The following ZNF804B variants were observed in gnomAD, a reference collection of about 807,000 sequenced individuals.
The protein encoded by ZNF804B is zinc finger protein 804B.
Under a neutral mutation model 101.4 loss-of-function variants are expected in ZNF804B, and 80 were observed. The ratio of observed to expected loss-of-function variants is 0.79; its 90% confidence interval spans 0.66 to 0.95. The LOEUF is 0.95. Among genes scored for constraint, ZNF804B ranks in the 40% least tolerant of loss-of-function variants. The pLI, the probability that ZNF804B is intolerant of heterozygous loss-of-function variation, is 0.00. For synonymous variants in ZNF804B, 622 were observed against 558.8 expected (o/e 1.11, Z -1.59); for missense variants, 1,673 against 1,561.9 (o/e 1.07, Z -1.20).
intron 1 of ZNF804B, among the ~76,000 whole-genome samples, chr7:89,117,806 T>G (rs1790333429): frequency 1.3e-5 from 2 of 152,226 alleles, no homozygotes; most frequent in Admixed American, 6.5e-5. Flanking sequence ...ATAGCTGGCA[T>G]ATAAATGTAA....
intron 1 of ZNF804B, among the ~76,000 whole-genome samples, chr7:88,911,738 A>T (rs1792553145): frequency 6.6e-6 from 1 of 151,774 alleles, no homozygotes; most frequent in Non-Finnish European, 1.5e-5. Flanking sequence ...CAGCCATATA[A>T]CTACATCCAC....
At chr7:88,937,579 A>G (rs1792991573) in intron 1 of ZNF804B, among the ~76,000 whole-genome samples, 1 of 152,080 alleles carries the variant, frequency 6.6e-6, no homozygotes, top group African/African-American at 2.4e-5. Flanking sequence ...GAAATGATAT[A>G]AAAATAGAGT....
At chr7:89,292,246 C>T (rs536712000) in intron 2 of ZNF804B, among the ~76,000 whole-genome samples, 1 of 152,208 alleles carries the variant, frequency 6.6e-6, no homozygotes, top group South Asian at 2.1e-4. Context: ...CACAGAGAAA[C>T]ACAGACTATT....
chr7:88,952,839 T>G (rs1584035837), intron 1 of ZNF804B, among the ~76,000 whole-genome samples: 1 of 151,792 alleles, frequency 6.6e-6, no homozygotes, highest in Non-Finnish European at 1.5e-5. Flanking sequence ...TCCTCGATTT[T>G]TGTTGGGCTG....
intron 1 of ZNF804B, among the ~76,000 whole-genome samples, chr7:88,800,713 TG>T (rs1790565968): frequency 6.6e-6 from 1 of 151,344 alleles, no homozygotes; most frequent in Admixed American, 6.6e-5. Context: ...TGTGTGTGTG[TG>T]TGTGTGTGTG....
intron 1 of ZNF804B, among the ~76,000 whole-genome samples, chr7:88,839,944 C>A (rs1361342827): frequency 6.6e-6 from 1 of 152,072 alleles, no homozygotes; most frequent in African/African-American, 2.4e-5. Context: ...AGTTTGGCTC[C>A]TTGGGTGCTA....
chr7:89,154,843 CA>C (rs1790932908), intron 1 of ZNF804B, among the ~76,000 whole-genome samples: 1 of 151,926 alleles, frequency 6.6e-6, no homozygotes, highest in South Asian at 2.1e-4. Flanking sequence ...AATCAATATA[CA>C]TTTAAAAATA....
intron 1 of ZNF804B, among the ~76,000 whole-genome samples, chr7:89,215,154 T>G (rs896890697): frequency 6.6e-6 from 1 of 152,156 alleles, no homozygotes; most frequent in Non-Finnish European, 1.5e-5. Flanking sequence ...GTAAGAAAGA[T>G]AAGAATATCT....
At chr7:89,195,117 A>G (rs1337713680) in intron 1 of ZNF804B, among the ~76,000 whole-genome samples, 27 of 148,842 alleles carry the variant, frequency 1.8e-4, no homozygotes, top group South Asian at 8.7e-4. Flanking sequence ...GATGCAGAAA[A>G]GGCCTTTGAC....
intron 1 of ZNF804B, among the ~76,000 whole-genome samples, chr7:89,173,061 G>GC (rs1791262238): frequency 6.6e-6 from 1 of 152,078 alleles, no homozygotes. Flanking sequence ...CCCTCCTGGG[G>GC]TATGAATTAA....
intron 1 of ZNF804B, among the ~76,000 whole-genome samples, chr7:88,990,329 TG>T (rs1324636576): frequency 2.0e-5 from 3 of 152,076 alleles, no homozygotes; most frequent in African/African-American, 4.8e-5. Flanking sequence ...ATAAGTGGAT[TG>T]TATCCTTTTC....
At chr7:89,086,495 G>T (rs1442417104) in intron 1 of ZNF804B, among the ~76,000 whole-genome samples, 2 of 151,816 alleles carry the variant, frequency 1.3e-5, no homozygotes, top group African/African-American at 2.4e-5. Flanking sequence ...CAAGGTGTCT[G>T]GTTAGTGGAA....
chr7:89,229,033 C>T (rs896224561), intron 2 of ZNF804B, among the ~76,000 whole-genome samples: 47 of 152,164 alleles, frequency 3.1e-4, no homozygotes, highest in African/African-American at 1.0e-3. Flanking sequence ...GTGGGGCCCG[C>T]GGAGCCCACG....
At chr7:89,257,332 C>T (rs1041135726) in intron 2 of ZNF804B, among the ~76,000 whole-genome samples, 6 of 152,008 alleles carry the variant, frequency 3.9e-5, no homozygotes, top group East Asian at 1.9e-4. Flanking sequence ...CATGGTTGTT[C>T]CTTCATAAAA....
chr7:88,989,763 TGAC>T (rs1793817591), intron 1 of ZNF804B, among the ~76,000 whole-genome samples: 4 of 152,110 alleles, frequency 2.6e-5, no homozygotes, highest in African/African-American at 9.6e-5. Flanking sequence ...TACTAATTAA[TGAC>T]ATGGCATCAT....
chr7:89,134,159 A>G (rs989618882), intron 1 of ZNF804B, among the ~76,000 whole-genome samples: 1 of 152,110 alleles, frequency 6.6e-6, no homozygotes, highest in African/African-American at 2.4e-5. Context: ...ATTTCAATAC[A>G]TGTTTTGGCA....
intron 1 of ZNF804B, among the ~76,000 whole-genome samples, chr7:89,011,356 C>T (rs955487652): frequency 6.6e-6 from 1 of 152,108 alleles, no homozygotes; most frequent in African/African-American, 2.4e-5. Flanking sequence ...TGGCACCTTC[C>T]ATATCTCATG....
chr7:88,775,330 G>A (rs1489170286), intron 1 of ZNF804B, among the ~76,000 whole-genome samples: 1 of 152,298 alleles, frequency 6.6e-6, no homozygotes, highest in East Asian at 1.9e-4. Flanking sequence ...TTGGCTCAGA[G>A]GCCGAGGGGC....
chr7:89,206,413 G>C (rs1247544462), intron 1 of ZNF804B, among the ~76,000 whole-genome samples: 2 of 152,118 alleles, frequency 1.3e-5, no homozygotes, highest in Non-Finnish European at 2.9e-5. Flanking sequence ...TGCTTCCCTT[G>C]TAAACATAAG....
Sources: gnomAD v4.1 joint callset for allele counts (sites outside exome capture counted in the v4.1 genomes callset) on GRCh38, gnomAD v4.1.1 for gene constraint, MANE v1.5 for transcripts, NCBI Gene and HGNC (gene_info 2026-07-23, HGNC 2026-07-21) for gene names.